Variants in FAM135B observed in about 807,000 individuals in gnomAD.
FAM135B encodes the protein protein FAM135B.
A neutral mutation model predicts 127.7 loss-of-function variants in FAM135B; 43 were observed. That is an observed-to-expected ratio of 0.34 (90% CI 0.26 to 0.43). The LOEUF is 0.43. Among genes scored for constraint, FAM135B ranks in the 20% least tolerant of loss-of-function variants. FAM135B has a pLI of 1.00. For synonymous variants in FAM135B, 670 were observed against 665.1 expected (o/e 1.01, Z -0.11); for missense variants, 1,558 against 1,725.6 (o/e 0.90, Z 1.72).
Position 138,426,136 on chromosome 8 carries a change from G to GTATA in FAM135B, c.-19-58135_-19-58134insTATA, listed in dbSNP as rs200938066. Among the ~76,000 whole-genome samples, 254 of 139,828 alleles carry GTATA rather than the reference G, an allele frequency of 1.8e-3. 2 individuals carry two copies. Among genetic ancestry groups the GTATA allele is most frequent in the African/African-American group, 4.2e-3 (157 of 37,200 alleles). 91.7% of individuals were successfully genotyped at this position (139,828 alleles called of 152,430 possible). A position where few individuals can be genotyped will look rare whatever the true frequency, so the allele number is the denominator to read the frequency against. Reference sequence around the variant, plus strand: ...TACACATATGTGTGTGTGTGTGTGTGTGTATATATATATATAATGCTAAGC... The same window carrying GTATA: ...TACACATATGTGTGTGTGTGTGTGTGTATATGTATATATATATATAATGCTAAGC... On this transcript the variant is annotated intron_variant, in intron 1 of 19. Transcript: ENST00000395297.
In FAM135B at chr8:138,344,644, C is replaced by T. The variant is rs562105214; in HGVS notation, c.77+23263G>A. 8.0e-3 allele frequency among the ~76,000 whole-genome samples: 1,158 copies of T among 145,610 alleles called. 23 individuals carry two copies. The highest frequency in any genetic ancestry group is 0.012 in the Non-Finnish European group (779 of 67,426). On this transcript the variant is annotated intron_variant, in intron 2 of 19. Coordinates refer to ENST00000395297, the MANE Select transcript of FAM135B (RefSeq NM_015912.4). ...AGGCTGGAGTGCAGTGGCGCGATCT[C>T]AGCTCACTGCAATCTCCGCCTCCCA... is the stretch of plus-strand genomic sequence containing the variant.
chr8:138,250,490 C>T (rs73716653), intron 6 of FAM135B, among the ~76,000 whole-genome samples: 8,938 of 152,210 alleles, frequency 0.059, 814 homozygotes, highest in African/African-American at 0.19. Flanking sequence ...TAAAATCTTA[C>T]GTAGATGGGA....
intron 3 of FAM135B, among the ~76,000 whole-genome samples, chr8:138,268,391 C>T (rs1823109456): frequency 6.6e-6 from 1 of 152,132 alleles, no homozygotes; most frequent in Admixed American, 6.6e-5. Context: ...TGGGTATTTA[C>T]TGAAAGTCAC....
At position 138,178,517 on chromosome 8, in the gene FAM135B, C is replaced by G. The variant is rs373761803; in HGVS notation, c.1029+18G>C. The G allele has an allele frequency of 6.2e-7, 1 of 1,612,746 alleles. No individual in the cohort carries two copies. The highest frequency in any genetic ancestry group is 2.2e-5 in the East Asian group (1 of 44,836). ...CAAATGCATGTGATCAGAGAATGCACAGCAGTTGGCCACTCACCCTCAGGG... is the reference window on the plus strand; with the variant it reads ...CAAATGCATGTGATCAGAGAATGCAGAGCAGTTGGCCACTCACCCTCAGGG... On this transcript the variant is annotated intron_variant, in intron 10 of 19. Coordinates refer to ENST00000395297, the MANE Select transcript of FAM135B (RefSeq NM_015912.4).
At chr8:138,202,071 G>A (rs905905751) in intron 7 of FAM135B, among the ~76,000 whole-genome samples, 1 of 132,558 alleles carries the variant, frequency 7.5e-6, no homozygotes, top group Admixed American at 9.1e-5. Flanking sequence ...GTTGCGGTGA[G>A]CAAAGATCAC....
intron 1 of FAM135B, among the ~76,000 whole-genome samples, chr8:138,390,593 G>C (rs1030052586): frequency 1.3e-5 from 2 of 152,106 alleles, no homozygotes; most frequent in Admixed American, 1.3e-4. Flanking sequence ...TGTATCTCCA[G>C]TGCAGAGTAG....
chr8:138,347,708 C>A (rs1411823115), intron 2 of FAM135B, among the ~76,000 whole-genome samples: 1 of 152,134 alleles, frequency 6.6e-6, no homozygotes, highest in East Asian at 1.9e-4. Context: ...AAAGTCAGGG[C>A]CTGAGCCAAT....
chr8:138,316,161 A>T (rs1299404746), intron 2 of FAM135B, among the ~76,000 whole-genome samples: 1 of 152,280 alleles, frequency 6.6e-6, no homozygotes, highest in African/African-American at 2.4e-5. Flanking sequence ...TACATACAAT[A>T]AAATAAATGT....
intron 1 of FAM135B, among the ~76,000 whole-genome samples, chr8:138,409,617 T>C (rs1371794118): frequency 1.3e-5 from 2 of 152,144 alleles, no homozygotes; most frequent in African/African-American, 4.8e-5. Flanking sequence ...GGCTCATGCC[T>C]GTAATCCCAG....
rs1372137395 is a variant in FAM135B at position 138,432,008 on chromosome 8, C to A, written c.-19-64006G>T. 2.0e-5 allele frequency among the ~76,000 whole-genome samples: 3 copies of A among 152,312 alleles called. No homozygotes were observed. In the East Asian group the frequency reaches 5.8e-4, roughly 29 times the overall value. ...CCAGAAGTGTGTCATGTGTCCTCCC[C>A]TAAACCAGCCACTGGGCAGGGAAGG... On this transcript the variant is annotated intron_variant, in intron 1 of 19. Transcript: ENST00000395297.
intron 7 of FAM135B, among the ~76,000 whole-genome samples, chr8:138,225,000 G>C (rs920982323): frequency 6.6e-6 from 1 of 152,174 alleles, no homozygotes; most frequent in Non-Finnish European, 1.5e-5. Context: ...TAGCCTGAAG[G>C]AATAAGTTTT....
At chr8:138,394,835 G>A (rs142232216) in intron 1 of FAM135B, among the ~76,000 whole-genome samples, 6 of 152,270 alleles carry the variant, frequency 3.9e-5, no homozygotes, top group Non-Finnish European at 7.4e-5. Context: ...TGAGCTGTCC[G>A]TGTAAGCAGC....
intron 7 of FAM135B, among the ~76,000 whole-genome samples, chr8:138,233,905 C>G (rs1440236510): frequency 1.3e-5 from 2 of 152,074 alleles, no homozygotes; most frequent in African/African-American, 4.8e-5. Context: ...AGAAGACATA[C>G]AAATGGCAAA....
chr8:138,435,516 T>C (rs1367423737), intron 1 of FAM135B, among the ~76,000 whole-genome samples: 1 of 152,168 alleles, frequency 6.6e-6, no homozygotes, highest in African/African-American at 2.4e-5. Context: ...GCAATAAGAC[T>C]ACTAGTGTAT....
At chr8:138,397,357 A>G (rs1832908769) in intron 1 of FAM135B, among the ~76,000 whole-genome samples, 2 of 152,166 alleles carry the variant, frequency 1.3e-5, no homozygotes, top group Non-Finnish European at 2.9e-5. Flanking sequence ...GGCCATGGAC[A>G]CCGACCGCTT....
intron 1 of FAM135B, among the ~76,000 whole-genome samples, chr8:138,428,513 C>T (rs989188655): frequency 1.3e-5 from 2 of 152,018 alleles, no homozygotes; most frequent in Admixed American, 1.3e-4. Context: ...TCTTGTGTAA[C>T]AGAGGAATCA....
At chr8:138,293,382 A>T (rs1413922058) in intron 3 of FAM135B, among the ~76,000 whole-genome samples, 2 of 152,186 alleles carry the variant, frequency 1.3e-5, no homozygotes, top group Admixed American at 1.3e-4. Flanking sequence ...AAATGTTACA[A>T]AAACAAAGAT....
chr8:138,440,839 C>T (rs2131544924), intron 1 of FAM135B: 1 of 152,070 alleles, frequency 6.6e-6, no homozygotes, highest in South Asian at 2.1e-4. Context: ...GAGGTAGAGC[C>T]AATTTCCATG....
In FAM135B at chr8:138,422,964, G is replaced by A. The variant is rs529372402; in HGVS notation, c.-19-54962C>T. On this transcript the variant is annotated intron_variant, in intron 1 of 19. Transcript: ENST00000395297. ...AGAGAATGAAATCATGTTCTTTGCC[G>A]CCAACATGGATGCAGCTGGAGGCCA... 4.6e-5 allele frequency among the ~76,000 whole-genome samples: 7 copies of A among 152,220 alleles called. No individual in the cohort carries two copies. In the South Asian group the frequency reaches 8.3e-4, roughly 18 times the overall value.
Sources: allele counts gnomAD v4.1 joint callset (sites outside exome capture counted in the v4.1 genomes callset), GRCh38; gene constraint gnomAD v4.1.1; transcripts MANE v1.5; gene names NCBI Gene and HGNC (gene_info 2026-07-23, HGNC 2026-07-21).